IQCM: variants seen among roughly 807,000 people sequenced by gnomAD.
The protein encoded by IQCM is IQ domain-containing protein M.
IQCM carries 45 observed loss-of-function variants against 57.6 expected under a neutral mutation model. The ratio of observed to expected loss-of-function variants is 0.78; its 90% confidence interval spans 0.62 to 1.00. The LOEUF (loss-of-function observed/expected upper bound fraction) is 1.00, where lower values mean the gene tolerates loss of function less well. Among genes scored for constraint, IQCM ranks in the 50% least tolerant of loss-of-function variants. The pLI is 0.00. For synonymous variants in IQCM, 148 were observed against 158.9 expected (o/e 0.93, Z 0.51); for missense variants, 468 against 511.6 (o/e 0.91, Z 0.82).
chr4:149,752,318 G>A (rs1366104778), intron 2 of IQCM, among the ~76,000 whole-genome samples: 3 of 152,218 alleles, frequency 2.0e-5, no homozygotes, highest in East Asian at 3.9e-4. Flanking sequence ...TTGGGAGGCT[G>A]AGGAAGGTGG....
chr4:149,661,366 T>C (rs963808980), intron 7 of IQCM, among the ~76,000 whole-genome samples: 1 of 152,182 alleles, frequency 6.6e-6, no homozygotes, highest in Non-Finnish European at 1.5e-5. Context: ...TGCTAGTATA[T>C]TGTTGAGAAT....
intron 12 of IQCM, among the ~76,000 whole-genome samples, chr4:149,451,341 A>G (rs1199962942): frequency 2.6e-5 from 4 of 151,838 alleles, no homozygotes; most frequent in Non-Finnish European, 5.9e-5. Flanking sequence ...GTGTATAATC[A>G]GATAGTTTGT....
intron 13 of IQCM, among the ~76,000 whole-genome samples, chr4:149,399,931 C>A (rs1193041423): frequency 6.6e-6 from 1 of 151,814 alleles, no homozygotes; most frequent in Non-Finnish European, 1.5e-5. Flanking sequence ...AGAAAAACAC[C>A]CTGTCATTTT....
intron 12 of IQCM, among the ~76,000 whole-genome samples, chr4:149,484,654 G>A (rs148821629): frequency 2.0e-4 from 30 of 151,600 alleles, no homozygotes; most frequent in Admixed American, 4.6e-4. Flanking sequence ...ATGTCTTACC[G>A]TACTAAGTCT....
At chr4:149,520,913 C>T (rs1745574260) in intron 12 of IQCM, among the ~76,000 whole-genome samples, 1 of 152,098 alleles carries the variant, frequency 6.6e-6, no homozygotes, top group South Asian at 2.1e-4. Context: ...CTCTCAAGCA[C>T]CCCAGCCTCT....
intron 7 of IQCM, among the ~76,000 whole-genome samples, chr4:149,652,556 G>C (rs1489394339): frequency 6.6e-6 from 1 of 151,858 alleles, no homozygotes; most frequent in African/African-American, 2.4e-5. Flanking sequence ...CAACAAAAAG[G>C]ATATAAAAGC....
At chr4:149,361,428 G>A (rs1319352121) in intron 13 of IQCM, among the ~76,000 whole-genome samples, 5 of 152,150 alleles carry the variant, frequency 3.3e-5, no homozygotes, top group African/African-American at 1.2e-4. Context: ...GACCTTCATG[G>A]CAGCCCCTCC....
At chr4:149,699,445 A>T (rs1763592568) in intron 5 of IQCM, among the ~76,000 whole-genome samples, 1 of 152,000 alleles carries the variant, frequency 6.6e-6, no homozygotes, top group Non-Finnish European at 1.5e-5. Context: ...CCTCTCCAAC[A>T]ATAACAGATA....
At chr4:149,517,536 T>C (rs991305067) in intron 12 of IQCM, among the ~76,000 whole-genome samples, 6 of 152,176 alleles carry the variant, frequency 3.9e-5, no homozygotes, top group Non-Finnish European at 5.9e-5. Flanking sequence ...GAGATGTGTA[T>C]GGGTTCAAGT....
chr4:149,685,995 T>C (rs191356564), intron 6 of IQCM, among the ~76,000 whole-genome samples: 1 of 151,666 alleles, frequency 6.6e-6, no homozygotes, highest in Non-Finnish European at 1.5e-5. Context: ...CTTTAATTAT[T>C]AGATTTAGAA....
At chr4:149,756,201 C>T (rs1470560244) in intron 2 of IQCM, among the ~76,000 whole-genome samples, 1 of 152,048 alleles carries the variant, frequency 6.6e-6, no homozygotes, top group Non-Finnish European at 1.5e-5. Context: ...CTGATGTATA[C>T]CCCCCGCCGT....
intron 12 of IQCM, among the ~76,000 whole-genome samples, chr4:149,469,831 A>C (rs1739308323): frequency 6.6e-6 from 1 of 152,346 alleles, no homozygotes; most frequent in South Asian, 2.1e-4. Context: ...ACATTGTTAA[A>C]GAAAAGAATT....
intron 5 of IQCM, among the ~76,000 whole-genome samples, chr4:149,717,821 G>A (rs1055952336): frequency 6.6e-6 from 1 of 152,160 alleles, no homozygotes; most frequent in African/African-American, 2.4e-5. Flanking sequence ...ACTGCTAGGA[G>A]GCAATGCATG....
chr4:149,809,111 T>C (rs539200173), intron 2 of IQCM, among the ~76,000 whole-genome samples: 7 of 152,166 alleles, frequency 4.6e-5, no homozygotes, highest in Middle Eastern at 3.4e-3. Flanking sequence ...ACAAGATTCA[T>C]TGAAGGTATC....
chr4:149,546,957 T>A (rs963133039), intron 12 of IQCM, among the ~76,000 whole-genome samples: 4 of 152,162 alleles, frequency 2.6e-5, no homozygotes, highest in African/African-American at 7.2e-5. Flanking sequence ...GTTTTAGGTC[T>A]AACATTTAAG....
chr4:149,750,482 C>CA (rs1273335966), intron 2 of IQCM, among the ~76,000 whole-genome samples: 1 of 151,928 alleles, frequency 6.6e-6, no homozygotes, highest in African/African-American at 2.4e-5. Flanking sequence ...TGTCCAAGAA[C>CA]AAAAAAGGTA....
chr4:149,659,676 G>A lies in IQCM; in HGVS notation c.565+22442C>T, dbSNP rs918887741. On this transcript the variant is annotated intron_variant, in intron 7 of 13. Transcript: ENST00000636793. ...GAACAGAGCCCTCAGAAATAACACC[G>A]CATATCTACAACTGTCTGATCTTTG... Among the ~76,000 whole-genome samples, 11 of 152,014 alleles carry A rather than the reference G, an allele frequency of 7.2e-5. No homozygotes were observed. The South Asian group carries it at 8.3e-4, about 11-fold the overall frequency.
At position 149,701,479 on chromosome 4, in the gene IQCM, A is replaced by G. The variant is rs376233885; in HGVS notation, c.386-15011T>C. On this transcript the variant is annotated intron_variant, in intron 5 of 13. Coordinates refer to ENST00000636793, the MANE Select transcript of IQCM (RefSeq NM_001363507.2). The stretch of plus-strand genomic sequence containing the variant: ...TTAAGGCATGAGAGAGTGTTTGAGA[A>G]TAAAGGTTGTTTTTATTTATTTAAT... 2.1e-4 allele frequency among the ~76,000 whole-genome samples: 32 copies of G among 152,158 alleles called. No individual in the cohort carries two copies. The East Asian group carries it at 6.0e-3, about 29-fold the overall frequency.
At chr4:149,428,152 G>GT (rs1734584836) in intron 13 of IQCM, among the ~76,000 whole-genome samples, 1 of 151,794 alleles carries the variant, frequency 6.6e-6, no homozygotes, top group African/African-American at 2.4e-5. Flanking sequence ...ATTAAGCTTA[G>GT]TTTTTTACCA....
Sources: gnomAD v4.1 joint callset for allele counts (sites outside exome capture counted in the v4.1 genomes callset) on GRCh38, gnomAD v4.1.1 for gene constraint, MANE v1.5 for transcripts, NCBI Gene and HGNC (gene_info 2026-07-23, HGNC 2026-07-21) for gene names.